Variants in USHBP1 observed in about 807,000 individuals in gnomAD.
USHBP1 encodes harmonin-binding protein USHBP1.
In USHBP1, 67 loss-of-function variants were observed where a neutral mutation model predicts 76.2. The observed-to-expected ratio is 0.88, with a 90% CI of 0.72 to 1.08. The LOEUF (loss-of-function observed/expected upper bound fraction) is 1.08. USHBP1 is among the 50% of genes least tolerant of loss of function. USHBP1 has a pLI of 0.00. For missense variants in USHBP1, 931 were observed against 915.0 expected (o/e 1.02, Z -0.23); for synonymous variants, 322 against 362.2 (o/e 0.89, Z 1.26).
At chr19:17,259,078 T>C (rs2073656340) in intron 7 of USHBP1, among the ~76,000 whole-genome samples, 8 of 152,032 alleles carry the variant, frequency 5.3e-5, no homozygotes, top group Admixed American at 5.3e-4. Flanking sequence ...GACATGAGTA[T>C]CATTTGAACC....
chr19:17,258,992 C>G (rs1298234008), intron 7 of USHBP1, among the ~76,000 whole-genome samples: 1 of 151,926 alleles, frequency 6.6e-6, no homozygotes, highest in Non-Finnish European at 1.5e-5. Flanking sequence ...ATGGTGAAAC[C>G]CATCTCTACT....
At chr19:17,257,583 A>T (rs933448323) in intron 8 of USHBP1, among the ~76,000 whole-genome samples, 8 of 143,832 alleles carry the variant, frequency 5.6e-5, no homozygotes, top group Non-Finnish European at 1.2e-4. Flanking sequence ...CAGAGGTTGC[A>T]GTGAGCCGAG....
rs57920756 is a variant in USHBP1 at position 17,252,241 on chromosome 19, G to C, written c.1693-224C>G. ...GACAGAGTCTCACTCTGCCACCCAG[G>C]CTGGAGTACAGTGGCACGATCTTGG... On this transcript the variant is annotated intron_variant, in intron 10 of 12. Transcript: ENST00000252597. Among the ~76,000 whole-genome samples, 1,000 of 152,158 alleles carry C rather than the reference G, an allele frequency of 6.6e-3. 13 individuals are homozygous for C. The highest frequency in any genetic ancestry group is 0.022 in the African/African-American group (932 of 41,530).
intron 4 of USHBP1, among the ~76,000 whole-genome samples, chr19:17,261,337 CTT>C (rs34111538): frequency 5.6e-5 from 7 of 123,912 alleles, no homozygotes; most frequent in Admixed American, 2.6e-4. Context: ...TTCTTTCTTT[CTT>C]TTTTTTTTTT....
intron 4 of USHBP1, among the ~76,000 whole-genome samples, chr19:17,261,337 C>CT (rs34111538): frequency 0.14 from 17,665 of 123,816 alleles, 1,770 homozygotes; most frequent in East Asian, 0.52. Flanking sequence ...TTCTTTCTTT[C>CT]TTTTTTTTTT....
intron 9 of USHBP1, among the ~76,000 whole-genome samples, chr19:17,256,131 T>A (rs1280928527): frequency 1.3e-5 from 2 of 152,158 alleles, no homozygotes; most frequent in Non-Finnish European, 2.9e-5. Flanking sequence ...GCAAGTAGCT[T>A]ACATAGGTCA....
chr19:17,250,543 T>TTTGTTG (rs748524355), intron 12 of USHBP1, 129 bp from the exon 13 acceptor site: 17 of 1,073,212 alleles, frequency 1.6e-5, no homozygotes, highest in Non-Finnish European at 1.4e-5. Context: ...TAGCTGGTCT[T>TTTGTTG]TTGTTGTTGT....
At chr19:17,264,599 G>T in intron 1 of USHBP1, 72 bp downstream of exon 1, 1 of 434,086 alleles carries the variant, frequency 2.3e-6, no homozygotes, top group East Asian at 4.3e-5. Context: ...CTCTATTTGA[G>T]CCTGGGAATG....
chr19:17,261,969 A>C (rs1271390232), intron 4 of USHBP1, among the ~76,000 whole-genome samples: 1 of 147,362 alleles, frequency 6.8e-6, no homozygotes, highest in Non-Finnish European at 1.5e-5. Context: ...GATTACAGGC[A>C]TGAGCCACTG....
In USHBP1 at chr19:17,256,463, A is replaced by G. The variant is rs546962839; in HGVS notation, c.1470+8T>C. The G allele has an allele frequency of 7.4e-6, 12 of 1,612,602 alleles. 1 individual carries two copies. In the Admixed American group the frequency reaches 1.3e-4, roughly 18 times the overall value. ...AAGACTGACACAGTGGCCACAGCCC[A>G]TTTGTACCCTTGCGGCCACCAGGTC... On this transcript the variant is annotated splice_region_variant and intron_variant, in intron 9 of 12. Coordinates refer to ENST00000252597, the MANE Select transcript of USHBP1 (RefSeq NM_031941.4).
chr19:17,251,683 C>G lies in USHBP1; in HGVS notation c.1821G>C (p.Gln607His). 6.2e-7 allele frequency: 1 copy of G among 1,613,610 alleles called. No homozygotes were observed. The stretch of plus-strand genomic sequence containing the variant: ...CCAGCTCCCTGCGCAGAGACTGCAG[C>G]TGCTCCTGCAGGTCCAGTGTCCTGT... The part of the protein sequence containing the change: ...SLTRTLDLQE[Q>H]LQSLRRELEQ... The change falls in exon 12 of 13, where the codon CAG becomes CAC. Residue 607 changes from glutamine to histidine, a missense_variant. By Grantham distance (24) the Gln-to-His change is conservative. Transcript: ENST00000252597.
chr19:17,261,337 C>CTTTCT (rs747378053), intron 4 of USHBP1, among the ~76,000 whole-genome samples: 154 of 123,898 alleles, frequency 1.2e-3, no homozygotes, highest in Middle Eastern at 4.2e-3. Flanking sequence ...TTCTTTCTTT[C>CTTTCT]TTTTTTTTTT....
At chr19:17,250,640 T>C (rs1268715606) in intron 12 of USHBP1, among the ~76,000 whole-genome samples, 1 of 152,138 alleles carries the variant, frequency 6.6e-6, no homozygotes, top group African/African-American at 2.4e-5. Context: ...AACCTCTGCC[T>C]CGAGGGTTCA....
intron 10 of USHBP1, among the ~76,000 whole-genome samples, chr19:17,253,667 C>T (rs536674490): frequency 3.0e-4 from 45 of 148,160 alleles, no homozygotes; most frequent in East Asian, 1.7e-3. Context: ...CCGAGACGGG[C>T]GGATCAGCCT....
intron 11 of USHBP1, 85 bp downstream of exon 11, chr19:17,251,826 A>G: frequency 1.3e-6 from 2 of 1,545,466 alleles, no homozygotes; most frequent in Non-Finnish European, 8.7e-7. Flanking sequence ...GGTACACCTT[A>G]GCTTCTACTG....
chr19:17,255,284 C>T, intron 10 of USHBP1, 101 bp downstream of exon 10: 1 of 1,317,352 alleles, frequency 7.6e-7, no homozygotes, highest in Non-Finnish European at 1.0e-6. Flanking sequence ...AAGAGCCAAA[C>T]TCCGTCTCAA....
At chr19:17,261,569 C>T (rs1253860113) in intron 4 of USHBP1, among the ~76,000 whole-genome samples, 2 of 151,524 alleles carry the variant, frequency 1.3e-5, no homozygotes, top group African/African-American at 2.4e-5. Context: ...CTCCTGACCT[C>T]GTGATCTGTG....
At chr19:17,250,592 C>T (rs144491905) in intron 12 of USHBP1, among the ~76,000 whole-genome samples, 178 bp from the exon 13 acceptor site, 13 of 152,292 alleles carry the variant, frequency 8.5e-5, no homozygotes, top group African/African-American at 2.9e-4. Flanking sequence ...CGCTTGTCAC[C>T]CAGGCTGGAG....
Position 17,251,994 on chromosome 19 carries a change from G to A in USHBP1, c.1716C>T (p.Gly572=), listed in dbSNP as rs1035337212. 1.3e-6 allele frequency: 2 copies of A among 1,549,414 alleles called. No individual in the cohort carries two copies. The highest frequency in any genetic ancestry group is 1.2e-5 in the South Asian group (1 of 84,086). The part of the protein sequence containing the change: ...WYQGLPAVPG[G]TSGIDGGQVG... Reference sequence around the variant, plus strand: ...CCTGGCCACCATCAATGCCACTGGTGCCACCAGGGACAGCAGGAAGGCCCT... The same window carrying A: ...CCTGGCCACCATCAATGCCACTGGTACCACCAGGGACAGCAGGAAGGCCCT... The change falls in exon 11 of 13, where the codon GGC becomes GGT. Residue 572 remains glycine (G), a synonymous_variant. Coordinates refer to ENST00000252597, the MANE Select transcript of USHBP1 (RefSeq NM_031941.4).
Sources: allele counts gnomAD v4.1 joint callset (sites outside exome capture counted in the v4.1 genomes callset), GRCh38; gene constraint gnomAD v4.1.1; transcripts MANE v1.5; gene names NCBI Gene and HGNC (gene_info 2026-07-23, HGNC 2026-07-21).